MYO1H: variants seen among roughly 807,000 people sequenced by gnomAD.
The protein encoded by MYO1H is myosin IH.
MYO1H carries 118 observed loss-of-function variants against 149.3 expected under a neutral mutation model. The observed-to-expected ratio is 0.79, with a 90% CI of 0.68 to 0.92. The LOEUF (loss-of-function observed/expected upper bound fraction) is 0.92. Among genes scored for constraint, MYO1H ranks in the 40% least tolerant of loss-of-function variants. The probability of loss-of-function intolerance (pLI) is 0.00; values close to 1 mark genes in which losing one functional copy is unlikely to be tolerated. For synonymous variants in MYO1H, 447 were observed against 465.2 expected (o/e 0.96, Z 0.50); for missense variants, 1,212 against 1,280.7 (o/e 0.95, Z 0.82).
upstream of MYO1H, among the ~76,000 whole-genome samples, chr12:109,343,788 G>A (rs979876986): frequency 9.9e-5 from 15 of 152,226 alleles, no homozygotes; most frequent in Admixed American, 4.6e-4. Context: ...CTTTTCAAGA[G>A]GGAGTCTGGG....
chr12:109,413,490 A>C (rs761670048), intron 14 of MYO1H, among the ~76,000 whole-genome samples: 4 of 152,236 alleles, frequency 2.6e-5, no homozygotes, highest in Admixed American at 2.0e-4. Context: ...GGATAAGTAC[A>C]TGAAATTGCA....
chr12:109,392,307 A>G (rs1381803613), intron 2 of MYO1H, among the ~76,000 whole-genome samples: 3 of 152,188 alleles, frequency 2.0e-5, no homozygotes, highest in Non-Finnish European at 2.9e-5. Flanking sequence ...CTTCAACCAC[A>G]ATGGCCTCTC....
exon 32 of MYO1H, chr12:109,447,329 C>T (rs1451891703): frequency 4.0e-6 from 3 of 753,722 alleles, no homozygotes; most frequent in African/African-American, 1.7e-5. Context: ...AACTGAGGGG[C>T]GTTAGGCCAA....
intron 1 of MYO1H, among the ~76,000 whole-genome samples, chr12:109,351,422 G>A (rs567329183): frequency 3.9e-5 from 6 of 152,158 alleles, no homozygotes; most frequent in Non-Finnish European, 7.4e-5. Context: ...CAGTTTCACC[G>A]CAGACACTTA....
chr12:109,392,594 T>C (rs1171543411), intron 2 of MYO1H, among the ~76,000 whole-genome samples: 1 of 151,702 alleles, frequency 6.6e-6, no homozygotes, highest in Non-Finnish European at 1.5e-5. Context: ...TGGTGGCGCA[T>C]GCCTGTAATC....
At chr12:109,396,809 G>T (rs10850129) in intron 4 of MYO1H, among the ~76,000 whole-genome samples, 141,316 of 141,402 alleles carry the variant, frequency 1, 70,616 homozygotes, top group Middle Eastern at 1. Context: ...TTTTGTTTTG[G>T]TTTCGTTTTT....
At chr12:109,433,284 C>G (rs759425989) in intron 20 of MYO1H, among the ~76,000 whole-genome samples, 3 of 152,144 alleles carry the variant, frequency 2.0e-5, no homozygotes, top group African/African-American at 7.2e-5. Flanking sequence ...AAAGAGGGAA[C>G]CAGAGGGGGC....
At chr12:109,403,671 A>G (rs1182642534) in intron 6 of MYO1H, among the ~76,000 whole-genome samples, 1 of 135,692 alleles carries the variant, frequency 7.4e-6, no homozygotes, top group Non-Finnish European at 1.8e-5. Flanking sequence ...TCTTGAGACA[A>G]ACAGCTTCAA....
intron 2 of MYO1H, among the ~76,000 whole-genome samples, chr12:109,389,213 C>A (rs1869525514): frequency 6.6e-6 from 1 of 152,194 alleles, no homozygotes; most frequent in Non-Finnish European, 1.5e-5. Context: ...CAGATCCAGG[C>A]TGTCATTTTA....
At chr12:109,334,595 C>G in the MYO1H span, among the ~76,000 whole-genome samples, 1 of 152,204 alleles carries the variant, frequency 6.6e-6, no homozygotes, top group Non-Finnish European at 1.5e-5. Context: ...TAGTACACTT[C>G]TCACAAGCTC....
At chr12:109,317,898 G>A in the MYO1H span, among the ~76,000 whole-genome samples, 140 of 152,256 alleles carry the variant, frequency 9.2e-4, no homozygotes, top group Non-Finnish European at 1.5e-3. Context: ...ACTGGTCCTC[G>A]TTTCAACTGT....
At chr12:109,339,127 G>A in the MYO1H span, among the ~76,000 whole-genome samples, 1 of 152,138 alleles carries the variant, frequency 6.6e-6, no homozygotes, top group South Asian at 2.1e-4. Context: ...CACTTTGGGA[G>A]GCCAAAGTGG....
At chr12:109,398,149 A>T (rs1289390398) in intron 5 of MYO1H, among the ~76,000 whole-genome samples, 1 of 152,244 alleles carries the variant, frequency 6.6e-6, no homozygotes, top group African/African-American at 2.4e-5. Context: ...ATGCTATCTT[A>T]AGAAGCTGAA....
intron 30 of MYO1H, 109 bp downstream of exon 30, chr12:109,444,638 G>T (rs1389563720): frequency 1.2e-6 from 1 of 826,500 alleles, no homozygotes; most frequent in Non-Finnish European, 2.0e-6. Context: ...AGGCTGAGGT[G>T]AGCAGATAAC....
intron 1 of MYO1H, among the ~76,000 whole-genome samples, chr12:109,361,501 A>T (rs2137005578): frequency 6.6e-6 from 1 of 152,348 alleles, no homozygotes; most frequent in South Asian, 2.1e-4. Flanking sequence ...ATTATGTCTT[A>T]ATATGTGTCA....
intron 1 of MYO1H, among the ~76,000 whole-genome samples, chr12:109,380,022 C>T (rs562638257): frequency 1.6e-4 from 25 of 152,168 alleles, no homozygotes; most frequent in African/African-American, 5.1e-4. Flanking sequence ...TAAGCCACCA[C>T]GCCCGGCCAG....
the MYO1H span, among the ~76,000 whole-genome samples, chr12:109,329,463 T>C: frequency 1.3e-5 from 2 of 152,126 alleles, no homozygotes; most frequent in African/African-American, 4.8e-5. Flanking sequence ...AGAGAATCTT[T>C]CCAAGGGAGG....
At chr12:109,445,808 G>C (rs557738117) in intron 31 of MYO1H, 196 bp downstream of exon 31, 1 of 985,210 alleles carries the variant, frequency 1.0e-6, no homozygotes, top group South Asian at 4.7e-5. Context: ...CACTGAATGA[G>C]AAAAGAAAAA....
intron 10 of MYO1H, among the ~76,000 whole-genome samples, chr12:109,408,669 T>TATG (rs1870503909): frequency 6.6e-6 from 1 of 152,154 alleles, no homozygotes; most frequent in Admixed American, 6.6e-5. Flanking sequence ...GGGGAGGGGA[T>TATG]ATGTGGATGT....
Sources: gnomAD v4.1 joint callset for allele counts (sites outside exome capture counted in the v4.1 genomes callset) on GRCh38, gnomAD v4.1.1 for gene constraint, MANE v1.5 for transcripts, NCBI Gene and HGNC (gene_info 2026-07-23, HGNC 2026-07-21) for gene names.